The following DEAF1 variants were observed in gnomAD, a reference collection of about 807,000 sequenced individuals.
DEAF1 encodes deformed epidermal autoregulatory factor 1 homolog.
Under a neutral mutation model 58.9 loss-of-function variants are expected in DEAF1, and 53 were observed. That is an observed-to-expected ratio of 0.90 (90% CI 0.72 to 1.13). The LOEUF is 1.13. DEAF1 is among the 50% of genes most tolerant of loss of function. DEAF1 has a pLI of 0.00. For synonymous variants in DEAF1, 385 were observed against 340.4 expected (o/e 1.13, Z -1.44); for missense variants, 685 against 791.4 (o/e 0.87, Z 1.61).
chr11:657,842 TGA>T (rs1859132315), intron 10 of DEAF1, among the ~76,000 whole-genome samples: 1 of 152,116 alleles, frequency 6.6e-6, no homozygotes, highest in Non-Finnish European at 1.5e-5. Flanking sequence ...AAGGAAAGAC[TGA>T]GAGACCGTCA....
intron 10 of DEAF1, among the ~76,000 whole-genome samples, chr11:672,865 T>C (rs1347217035): frequency 6.7e-6 from 1 of 150,078 alleles, no homozygotes; most frequent in African/African-American, 2.5e-5. Flanking sequence ...AAAATTTTTT[T>C]TAAATAGATA....
At chr11:670,210 C>G (rs1210667765) in intron 10 of DEAF1, among the ~76,000 whole-genome samples, 5 of 152,000 alleles carry the variant, frequency 3.3e-5, no homozygotes, top group African/African-American at 7.3e-5. Context: ...AAACTCACTA[C>G]ATTTTATGGT....
chr11:694,585 C>T (rs1157067252), intron 1 of DEAF1, 174 bp downstream of exon 1: 1 of 455,060 alleles, frequency 2.2e-6, no homozygotes, highest in Non-Finnish European at 3.3e-6. Flanking sequence ...GGGCGGGTCA[C>T]GTGGAGCAGG....
chr11:695,154 C>T lies in DEAF1; in HGVS notation c.-107G>A. On this transcript the variant is annotated 5_prime_UTR_variant, in exon 1 of 12. Coordinates refer to ENST00000382409, the MANE Select transcript of DEAF1 (RefSeq NM_021008.4). ...GAGGACGCCCGAGCTGGGCCGAGGC[C>T]GCCCGAAGCCGCCGCCCGAATAGGG... 3 of 1,021,398 alleles carry T rather than the reference C, an allele frequency of 2.9e-6. No individual in the cohort carries two copies. The highest frequency in any genetic ancestry group is 3.9e-6 in the Non-Finnish European group (3 of 773,144). 63.3% of individuals were successfully genotyped at this position (1,021,398 alleles called of 1,614,324 possible).
chr11:675,594 G>A (rs369592384), intron 9 of DEAF1, among the ~76,000 whole-genome samples: 5 of 152,126 alleles, frequency 3.3e-5, no homozygotes, highest in East Asian at 3.9e-4. Flanking sequence ...AGGCCGAGGC[G>A]GGCAGATCCC....
intron 6 of DEAF1, among the ~76,000 whole-genome samples, chr11:684,188 C>G (rs1860488300): frequency 6.8e-6 from 1 of 147,644 alleles, no homozygotes; most frequent in Non-Finnish European, 1.5e-5. Flanking sequence ...GAGGCTGAGG[C>G]GGGCGGATCA....
upstream of DEAF1, chr11:695,395 G>C (rs1861080920): frequency 2.4e-6 from 1 of 420,974 alleles, no homozygotes; most frequent in Non-Finnish European, 4.1e-6. Flanking sequence ...CGAGAGACTC[G>C]GCCCCTGCTC....
intron 1 of DEAF1, chr11:700,546 A>G: frequency 3.3e-6 from 4 of 1,207,220 alleles, no homozygotes; most frequent in South Asian, 2.6e-5. Context: ...AAAAAGGAAA[A>G]GGCAAGCTGA....
Position 679,643 on chromosome 11 carries a change from A to G in DEAF1, c.1126+45T>C, listed in dbSNP as rs776536209. 8.7e-6 allele frequency: 14 copies of G among 1,604,900 alleles called. No individual in the cohort carries two copies. In the Admixed American group the frequency reaches 2.0e-4, roughly 23 times the overall value. On this transcript the variant is annotated intron_variant, in intron 8 of 11. Coordinates refer to ENST00000382409, the MANE Select transcript of DEAF1 (RefSeq NM_021008.4). ...GCGTCGGGGATGTGATGTCACAGAC[A>G]GGGATATGCTGAGGACGCGTCAGGC...
In DEAF1 at chr11:692,776, C is replaced by T. The variant is rs545617608; in HGVS notation, c.290-1178G>A. ...CTGAGGCAGGAGAATCACTTGAACC[C>T]GGGAGGCGGGAGGTTGCGGTGAGCT... On this transcript the variant is annotated intron_variant, in intron 1 of 11. Coordinates refer to ENST00000382409, the MANE Select transcript of DEAF1 (RefSeq NM_021008.4). Among the ~76,000 whole-genome samples, 29 of 151,836 alleles carry T rather than the reference C, an allele frequency of 1.9e-4. 1 individual carries two copies. Among genetic ancestry groups the T allele is most frequent in the Admixed American group, 1.1e-3 (17 of 15,218 alleles).
intron 9 of DEAF1, 118 bp downstream of exon 9, chr11:678,576 T>G: frequency 4.9e-6 from 7 of 1,439,158 alleles, no homozygotes; most frequent in Non-Finnish European, 6.8e-6. Flanking sequence ...ACTGATCTAA[T>G]GCATCAACAA....
chr11:695,329 C>T (rs180753468), upstream of DEAF1: 49 of 445,462 alleles, frequency 1.1e-4, no homozygotes, highest in African/African-American at 8.8e-4. Flanking sequence ...GGTCGAAGTT[C>T]CCCGAAGTGG....
chr11:669,454 TGGTG>T, intron 10 of DEAF1, among the ~76,000 whole-genome samples: 1 of 151,798 alleles, frequency 6.6e-6, no homozygotes, highest in Non-Finnish European at 1.5e-5. Flanking sequence ...CTGACCTAAA[TGGTG>T]AAACCCTGTC....
intron 6 of DEAF1, 125 bp downstream of exon 6, chr11:684,773 G>A (rs1860517738): frequency 1.1e-5 from 9 of 819,248 alleles, no homozygotes; most frequent in African/African-American, 3.4e-5. Flanking sequence ...GGAGAAGTGA[G>A]GACAGTGTCT....
chr11:704,530 G>T (rs1477875129), intron 1 of DEAF1: 9 of 1,289,318 alleles, frequency 7.0e-6, no homozygotes, highest in Non-Finnish European at 9.1e-6. Flanking sequence ...ACCAGCGCCT[G>T]CACTCGCAGA....
chr11:687,764 G>A, intron 4 of DEAF1, 147 bp downstream of exon 4: 5 of 1,008,174 alleles, frequency 5.0e-6, no homozygotes, highest in Non-Finnish European at 7.7e-6. Context: ...CCAAAGTGCT[G>A]GTATTACAGG....
chr11:659,052 A>T (rs1358390815), intron 10 of DEAF1, among the ~76,000 whole-genome samples: 1 of 152,212 alleles, frequency 6.6e-6, no homozygotes, highest in Non-Finnish European at 1.5e-5. Context: ...ATAAGTTAAT[A>T]ATGTATTCAT....
chr11:672,122 G>C (rs1208293474), intron 10 of DEAF1, among the ~76,000 whole-genome samples: 4 of 152,194 alleles, frequency 2.6e-5, no homozygotes, highest in Non-Finnish European at 5.9e-5. Flanking sequence ...CACCACTACA[G>C]GTCCTGGGGA....
intron 11 of DEAF1, among the ~76,000 whole-genome samples, chr11:652,033 AT>A (rs1858796204): frequency 1.3e-5 from 2 of 152,240 alleles, no homozygotes; most frequent in Non-Finnish European, 2.9e-5. Context: ...CTGATATCTA[AT>A]ACTCCACCCA....
Sources: gnomAD v4.1 joint callset for allele counts (sites outside exome capture counted in the v4.1 genomes callset) on GRCh38, gnomAD v4.1.1 for gene constraint, MANE v1.5 for transcripts, NCBI Gene and HGNC (gene_info 2026-07-23, HGNC 2026-07-21) for gene names.